SMAD7: variants seen among roughly 807,000 people sequenced by gnomAD.
SMAD7 encodes MAD (mothers against decapentaplegic, Drosophila) homolog 7.
SMAD7 carries 8 observed loss-of-function variants against 38.7 expected under a neutral mutation model. That is an observed-to-expected ratio of 0.21 (90% CI 0.12 to 0.37). SMAD7 has a LOEUF of 0.37. Ranked by LOEUF, SMAD7 falls within the 10% of genes least tolerant of loss-of-function variation. The probability of loss-of-function intolerance (pLI) is 1.00; values close to 1 mark genes in which losing one functional copy is unlikely to be tolerated. For missense variants in SMAD7, 477 were observed against 577.9 expected, an observed-to-expected ratio of 0.83 and a Z score of 1.79; for synonymous variants, 327 against 265.1, an observed-to-expected ratio of 1.23 and a Z score of -2.27.
intron 3 of SMAD7, among the ~76,000 whole-genome samples, chr18:48,939,573 C>T (rs1483683806): frequency 6.6e-6 from 1 of 151,598 alleles, no homozygotes; most frequent in Non-Finnish European, 1.5e-5. Context: ...CCCACCCCCA[C>T]CTCCGAGGCA....
intron 3 of SMAD7, among the ~76,000 whole-genome samples, chr18:48,929,508 C>G (rs2069966508): frequency 6.6e-6 from 1 of 151,504 alleles, no homozygotes; most frequent in South Asian, 2.1e-4. Context: ...GCACTGAATG[C>G]TGATTCATTC....
At chr18:48,924,997 T>C (rs1464492407) in intron 3 of SMAD7, among the ~76,000 whole-genome samples, 1 of 152,150 alleles carries the variant, frequency 6.6e-6, no homozygotes, top group Non-Finnish European at 1.5e-5. Flanking sequence ...AGAAACACAG[T>C]TCCCTGAATC....
chr18:48,945,000 A>G, intron 2 of SMAD7, among the ~76,000 whole-genome samples: 1 of 152,208 alleles, frequency 6.6e-6, no homozygotes, highest in South Asian at 2.1e-4. Flanking sequence ...GAATGAGTAC[A>G]AGGTAAAGGA....
chr18:48,949,758 T>C (rs1003960224), intron 1 of SMAD7, 54 bp downstream of exon 1: 6 of 1,512,300 alleles, frequency 4.0e-6, no homozygotes, highest in Non-Finnish European at 5.3e-6. Context: ...TAGGGGCTTT[T>C]CTTCCAGCAC....
At chr18:48,924,463 G>C (rs2069901628) in intron 3 of SMAD7, among the ~76,000 whole-genome samples, 2 of 152,172 alleles carry the variant, frequency 1.3e-5, no homozygotes, top group Admixed American at 1.3e-4. Flanking sequence ...GTGGGGACTG[G>C]AGCCTGAGAT....
At chr18:48,937,606 G>T (rs1400717427) in intron 3 of SMAD7, among the ~76,000 whole-genome samples, 1 of 152,338 alleles carries the variant, frequency 6.6e-6, no homozygotes, top group South Asian at 2.1e-4. Context: ...CACTGCAGAA[G>T]AGGCGGGGTC....
At chr18:48,940,476 C>T (rs1259774404) in intron 3 of SMAD7, among the ~76,000 whole-genome samples, 8 of 150,996 alleles carry the variant, frequency 5.3e-5, no homozygotes, top group South Asian at 2.1e-4. Context: ...ATCGGCCAGG[C>T]GCAGTGGCTC....
At chr18:48,945,730 C>A (rs947410213) in intron 2 of SMAD7, among the ~76,000 whole-genome samples, 2 of 152,144 alleles carry the variant, frequency 1.3e-5, no homozygotes, top group Non-Finnish European at 2.9e-5. Flanking sequence ...CCACCTGGGT[C>A]CCTCAAGAGC....
intron 3 of SMAD7, among the ~76,000 whole-genome samples, chr18:48,933,410 T>C (rs2070026176): frequency 6.6e-6 from 1 of 152,224 alleles, no homozygotes; most frequent in African/African-American, 2.4e-5. Context: ...CCATTCCAAC[T>C]GCCAATTCTT....
chr18:48,950,370 G>C lies in SMAD7; in HGVS notation c.55C>G (p.Pro19Ala), dbSNP rs1275138317. ...CCCTCCTCCTCGTCCTCGCCGCCGG[G>C]CGCACGGCTCCTCCAGAGACGCCGG... ...LVRRLWRSRA[P>A]GGEDEEEGAG... is the part of the protein sequence containing the mutation. Residue 19 changes from proline (P) to alanine (A), a missense_variant, in exon 1 of 4, where the codon CCC (proline) becomes GCC (alanine). Around this residue, in one of 2 missense-constraint regions of SMAD7, gnomAD observed 376 missense variants for 379.4 expected, o/e 0.99. Coordinates refer to ENST00000262158, the MANE Select transcript of SMAD7 (RefSeq NM_005904.4). 17 of 1,543,402 alleles carry C rather than the reference G, an allele frequency of 1.1e-5. No individual in the cohort carries two copies. Among genetic ancestry groups the C allele is most frequent in the Non-Finnish European group, 1.1e-5 (13 of 1,144,442 alleles).
intron 3 of SMAD7, among the ~76,000 whole-genome samples, chr18:48,935,222 C>T (rs1232200173): frequency 2.0e-5 from 3 of 152,006 alleles, no homozygotes; most frequent in African/African-American, 2.4e-5. Flanking sequence ...GTAGAGTGGC[C>T]GGGATCAGGT....
chr18:48,926,930 C>T (rs1013865324), intron 3 of SMAD7, among the ~76,000 whole-genome samples: 6 of 152,216 alleles, frequency 3.9e-5, no homozygotes, highest in Non-Finnish European at 5.9e-5. Context: ...TCTATTCTCA[C>T]GCCAAACCAT....
At position 48,936,486 on chromosome 18, in the gene SMAD7, T is replaced by C. The variant is rs368260101; in HGVS notation, c.742+5995A>G. The stretch of plus-strand genomic sequence containing the variant: ...AAGGAAACCCGGTCCCATGGGTCCC[T>C]TTTACAATCCCATTCATGACAGCAA... On this transcript the variant is annotated intron_variant, in intron 3 of 3. Transcript: ENST00000262158. Among the ~76,000 whole-genome samples the C allele has an allele frequency of 1.9e-3, 285 of 152,342 alleles. 2 individuals are homozygous for C. Among genetic ancestry groups the C allele is most frequent in the African/African-American group, 6.3e-3 (263 of 41,572 alleles).
chr18:48,942,474 A>C lies in SMAD7; in HGVS notation c.742+7T>G. ...AATTGCCAGGAAAATAAGAGAAAGC[A>C]TCTTACCTGAAAGCCCCCCAGGGGC... On this transcript the variant is annotated splice_region_variant and intron_variant, in intron 3 of 3. Coordinates refer to ENST00000262158, the MANE Select transcript of SMAD7 (RefSeq NM_005904.4). The C allele has an allele frequency of 6.4e-7, 1 of 1,561,420 alleles. No homozygotes were observed. Among genetic ancestry groups the C allele is most frequent in the Non-Finnish European group, 8.7e-7 (1 of 1,154,174 alleles).
chr18:48,949,072 C>A (rs1392713590), intron 1 of SMAD7, among the ~76,000 whole-genome samples: 1 of 152,194 alleles, frequency 6.6e-6, no homozygotes, highest in African/African-American at 2.4e-5. Flanking sequence ...CAGGCCCCAG[C>A]GCAGTAAGAG....
In SMAD7 at chr18:48,921,625, T is replaced by C; in HGVS notation, c.1028A>G (p.Lys343Arg). The C allele has an allele frequency of 1.9e-6, 3 of 1,612,984 alleles. No individual in the cohort carries two copies. Among genetic ancestry groups the C allele is most frequent in the Non-Finnish European group, 8.5e-7 (1 of 1,178,956 alleles). Residue 343 changes from lysine to arginine, a missense_variant, in exon 4 of 4, where the codon AAG becomes AGG. Coordinates refer to ENST00000262158, the MANE Select transcript of SMAD7 (RefSeq NM_005904.4). This position sits in a 1 kb window ranked among gnomAD's most constrained non-coding sequence, Gnocchi z 6.4. ...GTCCGGGTTGTCCAGTGTGGCGGAC[T>C]TGATGAAGATGGGGTAACTGCTGCG... ...YNRSSYPIFI[K>R]SATLDNPDSR...
chr18:48,937,047 C>A (rs896331825), intron 3 of SMAD7, among the ~76,000 whole-genome samples: 4 of 151,706 alleles, frequency 2.6e-5, no homozygotes, highest in Non-Finnish European at 5.9e-5. Flanking sequence ...CCATTGCACT[C>A]CAGCCTGGGC....
chr18:48,939,082 G>A (rs998179889), intron 3 of SMAD7, among the ~76,000 whole-genome samples: 4 of 152,034 alleles, frequency 2.6e-5, no homozygotes, highest in Admixed American at 6.6e-5. Context: ...GCCTGCCTGT[G>A]GGCATCCGCA....
intron 3 of SMAD7, among the ~76,000 whole-genome samples, chr18:48,938,071 C>A (rs895340086): frequency 2.0e-5 from 3 of 152,178 alleles, no homozygotes; most frequent in African/African-American, 7.2e-5. Context: ...GATTAACTTT[C>A]CTTAAAACAG....
Sources: allele counts gnomAD v4.1 joint callset (sites outside exome capture counted in the v4.1 genomes callset), GRCh38; gene constraint gnomAD v4.1.1; regional missense constraint gnomAD v4.1.1; non-coding constraint Gnocchi (gnomAD v3.1); transcripts MANE v1.5; gene names NCBI Gene and HGNC (gene_info 2026-07-23, HGNC 2026-07-21).